ANAPC2: variants seen among roughly 807,000 people sequenced by gnomAD.
The protein encoded by ANAPC2 is anaphase promoting complex subunit 2.
Under a neutral mutation model 84.3 loss-of-function variants are expected in ANAPC2, and 29 were observed. That is an observed-to-expected ratio of 0.34 (90% CI 0.26 to 0.47). The LOEUF (loss-of-function observed/expected upper bound fraction) is 0.47. ANAPC2 is among the 20% of genes least tolerant of loss of function. The probability of loss-of-function intolerance (pLI) is 1.00; values close to 1 mark genes in which losing one functional copy is unlikely to be tolerated. For synonymous variants in ANAPC2, 571 were observed against 479.4 expected (o/e 1.19, Z -2.50); for missense variants, 857 against 1,131.7 (o/e 0.76, Z 3.48).
Position 137,185,102 on chromosome 9 carries a change from C to T in ANAPC2, c.874-15G>A. 1 of 1,519,744 alleles carries T rather than the reference C, an allele frequency of 6.6e-7. No individual in the cohort carries two copies. Among genetic ancestry groups the T allele is most frequent in the Non-Finnish European group, 8.8e-7 (1 of 1,133,570 alleles). The allele number at this position is 1,519,744 out of a possible 1,614,324, so 94.1% of individuals were successfully genotyped here. The stretch of plus-strand genomic sequence containing the variant: ...CGCTCGATCCACTGTCAGGAGAACG[C>T]TAGTGTGAGCTGCAGGGAGGCATGG... On this transcript the variant is annotated splice_polypyrimidine_tract_variant and intron_variant, in intron 3 of 12. Transcript: ENST00000323927.
Position 137,175,737 on chromosome 9 carries a change from G to A in ANAPC2, c.1991C>T (p.Ala664Val), listed in dbSNP as rs1236339294. ...TLSVAVTPVQ[A>V]VILLYFQDQA... ...GTCCTGAAAATACAGCAAGATCACC[G>A]CCTGTACTGGGGTGACCGCCACAGA... The change falls in exon 11 of 13, where the codon GCG (alanine) becomes GTG (valine). Residue 664 changes from alanine to valine, a missense_variant. Physicochemically the swap from Ala to Val is moderately conservative, Grantham distance 64 (BLOSUM62 0). Coordinates refer to ENST00000323927, the MANE Select transcript of ANAPC2 (RefSeq NM_013366.4). 16 of 1,612,144 alleles carry A rather than the reference G, an allele frequency of 9.9e-6. No homozygotes were observed. Among genetic ancestry groups the A allele is most frequent in the Non-Finnish European group, 1.4e-5 (16 of 1,179,644 alleles).
chr9:137,181,320 G>C (rs1007659029), intron 7 of ANAPC2, among the ~76,000 whole-genome samples: 1 of 152,254 alleles, frequency 6.6e-6, no homozygotes, highest in African/African-American at 2.4e-5. Context: ...CTCTGAGCAG[G>C]AGCTGGCACC....
chr9:137,183,662 C>G lies in ANAPC2; in HGVS notation c.1168+10G>C. ...CCCAGAGTGCTGGGTGGCCGGGCAG[C>G]ACACAGCACCTGGATGCAGGAGCCG... is the stretch of plus-strand genomic sequence containing the variant. On this transcript the variant is annotated intron_variant, in intron 5 of 12. Coordinates refer to ENST00000323927, the MANE Select transcript of ANAPC2 (RefSeq NM_013366.4). 1 of 1,609,022 alleles carries G rather than the reference C, an allele frequency of 6.2e-7. No individual in the cohort carries two copies.
intron 10 of ANAPC2, among the ~76,000 whole-genome samples, chr9:137,179,693 A>G (rs1834299642): frequency 6.6e-6 from 1 of 152,192 alleles, no homozygotes; most frequent in South Asian, 2.1e-4. Context: ...GTTCTCGAGG[A>G]AACAGACCTG....
chr9:137,188,403 T>A lies in ANAPC2; in HGVS notation c.117+13A>T, dbSNP rs754579062. ...ACTCCGCGCGGGGCCGCCCCTCTCT[T>A]CCCAGGCCTCACCAGCCCCAGCGCA... On this transcript the variant is annotated intron_variant, in intron 1 of 12. Transcript: ENST00000323927. 6.2e-7 allele frequency: 1 copy of A among 1,603,118 alleles called. No individual in the cohort carries two copies. Among genetic ancestry groups the A allele is most frequent in the Admixed American group, 1.7e-5 (1 of 59,602 alleles).
intron 6 of ANAPC2, among the ~76,000 whole-genome samples, 180 bp from the exon 7 acceptor site, chr9:137,182,042 C>T (rs1361456806): frequency 2.0e-5 from 3 of 152,154 alleles, no homozygotes; most frequent in Non-Finnish European, 4.4e-5. Flanking sequence ...ATAAACCCAA[C>T]GTTACTTGGG....
chr9:137,178,915 G>A (rs1311098931), intron 10 of ANAPC2, among the ~76,000 whole-genome samples: 1 of 152,206 alleles, frequency 6.6e-6, no homozygotes, highest in Non-Finnish European at 1.5e-5. Context: ...TTTCTAAAGT[G>A]GACACATCGC....
chr9:137,187,693 C>T lies in ANAPC2; in HGVS notation c.528G>A (p.Leu176=), dbSNP rs185963321. ...TATAGACTCTCAAGAAGCACCCATACAGACGCTGGATCATCTCTTGGAAGG... is the reference window on the plus strand; with the variant it reads ...TATAGACTCTCAAGAAGCACCCATATAGACGCTGGATCATCTCTTGGAAGG... ...PRTFQEMIQR[L]YGCFLRVYMQ... is the part of the protein sequence containing the mutation. Residue 176 remains leucine, a synonymous_variant, in exon 2 of 13, where the codon CTG becomes CTA. Coordinates refer to ENST00000323927, the MANE Select transcript of ANAPC2 (RefSeq NM_013366.4). 14 of 1,614,082 alleles carry T rather than the reference C, an allele frequency of 8.7e-6. No individual in the cohort carries two copies. In the East Asian group the frequency reaches 2.2e-4, roughly 26 times the overall value.
intron 10 of ANAPC2, among the ~76,000 whole-genome samples, chr9:137,178,376 C>T (rs2131332122): frequency 6.6e-6 from 1 of 152,340 alleles, no homozygotes; most frequent in Middle Eastern, 3.4e-3. Context: ...ACTCCTGTGT[C>T]CCACTGAAGT....
rs1834517269 is a variant in ANAPC2, at chr9:137,188,098, A to G, written c.123T>C (p.Ser41=). Residue 41 remains serine, a synonymous_variant, in exon 2 of 13, where the codon TCT becomes TCC. Transcript: ENST00000323927. ...LVPPAALGLV[S]SRTSGAVPPK... ...GCGGGACTGCACCGCTGGTCCGGGA[A>G]GACACCTGGGGTGCAGAAAACCGTG... 1 of 1,611,094 alleles carries G rather than the reference A, an allele frequency of 6.2e-7. No individual in the cohort carries two copies. Among genetic ancestry groups the G allele is most frequent in the African/African-American group, 1.3e-5 (1 of 74,924 alleles).
At chr9:137,176,567 A>G (rs1001271058) in intron 10 of ANAPC2, 1 of 152,308 alleles carries the variant, frequency 6.6e-6, no homozygotes, top group African/African-American at 2.4e-5. Context: ...TGAGGCCTGC[A>G]CGACTGCTGG....
Position 137,175,480 on chromosome 9 carries a change from C to G in ANAPC2, c.2021-8G>C, listed in dbSNP as rs1473118034. 1 of 1,551,952 alleles carries G rather than the reference C, an allele frequency of 6.4e-7. No individual in the cohort carries two copies. Among genetic ancestry groups the G allele is most frequent in the African/African-American group, 1.4e-5 (1 of 73,498 alleles). ...CCTCCAGGGTCCAGCTGGCTGCGTGCAGAGTCACCGGGACGCTGGGCAGCC... is the reference window on the plus strand; with the variant it reads ...CCTCCAGGGTCCAGCTGGCTGCGTGGAGAGTCACCGGGACGCTGGGCAGCC... On this transcript the variant is annotated splice_region_variant and splice_polypyrimidine_tract_variant and intron_variant, in intron 11 of 12. Transcript: ENST00000323927.
chr9:137,179,930 C>A (rs1304541522), intron 10 of ANAPC2, among the ~76,000 whole-genome samples: 2 of 152,256 alleles, frequency 1.3e-5, no homozygotes, highest in African/African-American at 2.4e-5. Flanking sequence ...AGACCTGGGC[C>A]CAGCACAGCC....
chr9:137,184,843 G>T, intron 4 of ANAPC2, 70 bp downstream of exon 4: 1 of 1,562,680 alleles, frequency 6.4e-7, no homozygotes. Context: ...AGACACAGAG[G>T]AGACACGGGG....
At position 137,187,726 on chromosome 9, in the gene ANAPC2, G is replaced by T. The variant is rs1259608216; in HGVS notation, c.495C>A (p.Thr165=). 1 of 1,613,892 alleles carries T rather than the reference G, an allele frequency of 6.2e-7. No homozygotes were observed. The highest frequency in any genetic ancestry group is 1.7e-5 in the Admixed American group (1 of 60,028). Residue 165 remains threonine (T), a synonymous_variant, in exon 2 of 13, where the codon ACC becomes ACA. Coordinates refer to ENST00000323927, the MANE Select transcript of ANAPC2 (RefSeq NM_013366.4). The stretch of plus-strand genomic sequence containing the variant: ...GGATCATCTCTTGGAAGGTTCTGGG[G>T]GTGCTAAAGAACAAGACTCCGCGCA... ...TMLRGVLFFS[T]PRTFQEMIQR...
At chr9:137,188,225 A>G in intron 1 of ANAPC2, 122 bp from the exon 2 acceptor site, 1 of 1,392,188 alleles carries the variant, frequency 7.2e-7, no homozygotes, top group South Asian at 1.4e-5. Flanking sequence ...TGCTGCCCGG[A>G]CGTTGGGCCG....
intron 9 of ANAPC2, 27 bp downstream of exon 9, chr9:137,180,425 C>G: frequency 6.2e-7 from 1 of 1,612,588 alleles, no homozygotes; most frequent in Admixed American, 1.7e-5. Flanking sequence ...GCGGGGCGGC[C>G]GGGCAGCGGG....
rs748178770 is a variant in ANAPC2, at chr9:137,175,761, G to C, written c.1967C>G (p.Ser656Cys). Residue 656 changes from serine to cysteine, a missense_variant, in exon 11 of 13, where the codon TCT (serine) becomes TGT (cysteine). Ser to Cys is a moderately radical substitution (Grantham distance 112, BLOSUM62 -1). This residue lies in a region of ANAPC2 where 425 missense variants were observed against 595.5 expected (regional missense o/e 0.71). Coordinates refer to ENST00000323927, the MANE Select transcript of ANAPC2 (RefSeq NM_013366.4). The stretch of plus-strand genomic sequence containing the variant: ...CGCCTGTACTGGGGTGACCGCCACA[G>C]ACAGCGTGCGGTCGGCCAGCTCCAC... ...MDVELADRTL[S>C]VAVTPVQAVI... 2.5e-5 allele frequency: 41 copies of C among 1,611,866 alleles called. No homozygotes were observed. Among genetic ancestry groups the C allele is most frequent in the Non-Finnish European group, 3.5e-5 (41 of 1,179,542 alleles).
At chr9:137,177,706 C>T (rs967925532) in intron 10 of ANAPC2, among the ~76,000 whole-genome samples, 1 of 152,220 alleles carries the variant, frequency 6.6e-6, no homozygotes, top group Admixed American at 6.5e-5. Flanking sequence ...AAAAATGACA[C>T]ATGAACCCCT....
Sources: allele counts gnomAD v4.1 joint callset (sites outside exome capture counted in the v4.1 genomes callset), GRCh38; gene constraint gnomAD v4.1.1; regional missense constraint gnomAD v4.1.1; transcripts MANE v1.5; gene names NCBI Gene and HGNC (gene_info 2026-07-23, HGNC 2026-07-21).